FOCAD: variants seen among roughly 807,000 people sequenced by gnomAD.
The protein encoded by FOCAD is KIAA1797.
A neutral mutation model predicts 225.6 loss-of-function variants in FOCAD; 198 were observed. That is an observed-to-expected ratio of 0.88 (90% CI 0.78 to 0.99). The LOEUF (loss-of-function observed/expected upper bound fraction) is 0.99. Ranked by LOEUF, FOCAD falls within the 50% of genes least tolerant of loss-of-function variation. The pLI is 0.00. For missense variants in FOCAD, 2,713 were observed against 2,123.6 expected, an observed-to-expected ratio of 1.28 and a Z score of -5.46; for synonymous variants, 897 against 755.0, an observed-to-expected ratio of 1.19 and a Z score of -3.08.
chr9:20,927,248 A>C (rs1203896010), intron 26 of FOCAD, among the ~76,000 whole-genome samples: 2 of 152,140 alleles, frequency 1.3e-5, no homozygotes, highest in African/African-American at 4.8e-5. Context: ...GACTTTGGGC[A>C]ATTCACTCAA....
chr9:20,978,493 T>C, intron 37 of FOCAD, 39 bp downstream of exon 37: 1 of 1,381,084 alleles, frequency 7.2e-7, no homozygotes, highest in Non-Finnish European at 1.0e-6. Flanking sequence ...CAGGAGGATA[T>C]TGTTCTTTAG....
At chr9:20,728,850 A>G (rs566339118) in intron 4 of FOCAD, among the ~76,000 whole-genome samples, 1 of 152,330 alleles carries the variant, frequency 6.6e-6, no homozygotes, top group East Asian at 1.9e-4. Flanking sequence ...TTGATAAAGG[A>G]GTATGTATCT....
At chr9:20,769,927 A>G (rs544176915) in intron 7 of FOCAD, 105 bp from the exon 8 acceptor site, 16 of 991,600 alleles carry the variant, frequency 1.6e-5, no homozygotes, top group Middle Eastern at 3.0e-4. Context: ...TTAAGTCTTT[A>G]TAGGTTTAGA....
Position 20,861,246 on chromosome 9 carries a change from T to G in FOCAD, c.1921-1332T>G, listed in dbSNP as rs572083647. On this transcript the variant is annotated intron_variant, in intron 15 of 43. Coordinates refer to ENST00000338382, the MANE Select transcript of FOCAD (RefSeq NM_001375567.1). Reference sequence around the variant, plus strand: ...CTTCCTTTACAATAAGGTGTCAAGTTTTTGAAGGATTAGATCATCTTTATA... The same window carrying G: ...CTTCCTTTACAATAAGGTGTCAAGTGTTTGAAGGATTAGATCATCTTTATA... Among the ~76,000 whole-genome samples the G allele has an allele frequency of 2.0e-5, 3 of 152,336 alleles. No individual in the cohort carries two copies. In the East Asian group the frequency reaches 5.8e-4, roughly 29 times the overall value.
At chr9:20,771,703 C>T (rs1305448142) in intron 8 of FOCAD, among the ~76,000 whole-genome samples, 1 of 152,096 alleles carries the variant, frequency 6.6e-6, no homozygotes, top group Non-Finnish European at 1.5e-5. Context: ...TGCAGTGAGC[C>T]GAGATTGTGC....
intron 21 of FOCAD, among the ~76,000 whole-genome samples, chr9:20,891,183 G>A (rs1382709139): frequency 6.6e-6 from 1 of 152,156 alleles, no homozygotes; most frequent in African/African-American, 2.4e-5. Context: ...TAAATGTTGT[G>A]TGATTTTTTA....
intron 24 of FOCAD, among the ~76,000 whole-genome samples, chr9:20,922,599 G>C (rs1834549816): frequency 6.6e-6 from 1 of 152,170 alleles, no homozygotes; most frequent in South Asian, 2.1e-4. Flanking sequence ...CTCATTTAGG[G>C]AGCAGAGCTG....
At chr9:20,973,991 T>G (rs1245166623) in intron 35 of FOCAD, among the ~76,000 whole-genome samples, 3 of 126,118 alleles carry the variant, frequency 2.4e-5, no homozygotes, top group Non-Finnish European at 3.4e-5. Flanking sequence ...TGACTCTTGC[T>G]TCCCCATTTT....
intron 2 of FOCAD, among the ~76,000 whole-genome samples, chr9:20,671,043 C>T (rs868692410): frequency 6.6e-6 from 1 of 152,132 alleles, no homozygotes; most frequent in Non-Finnish European, 1.5e-5. Flanking sequence ...CTTAGAAAGA[C>T]ATATTTTTAG....
chr9:20,912,267 G>A (rs1833499675), intron 22 of FOCAD, among the ~76,000 whole-genome samples: 1 of 151,988 alleles, frequency 6.6e-6, no homozygotes, highest in Non-Finnish European at 1.5e-5. Flanking sequence ...AAATGGAAAA[G>A]ATAATACATA....
At chr9:20,861,845 G>GA (rs1828798601) in intron 15 of FOCAD, among the ~76,000 whole-genome samples, 2 of 151,958 alleles carry the variant, frequency 1.3e-5, no homozygotes. Context: ...ATCTATCAGT[G>GA]AAAAAATCAT....
chr9:20,799,964 A>T (rs1443434387), intron 11 of FOCAD, among the ~76,000 whole-genome samples: 1 of 152,066 alleles, frequency 6.6e-6, no homozygotes, highest in East Asian at 1.9e-4. Context: ...ACAATTTGGC[A>T]TGTTTTTGCA....
At chr9:20,697,279 C>T (rs1011906502) in intron 1 of FOCAD, among the ~76,000 whole-genome samples, 2 of 151,958 alleles carry the variant, frequency 1.3e-5, no homozygotes, top group Non-Finnish European at 2.9e-5. Context: ...TTTTTCTATC[C>T]TTGCCCTCTT....
At chr9:20,726,306 A>T (rs552771829) in intron 4 of FOCAD, 6 of 152,132 alleles carry the variant, frequency 3.9e-5, no homozygotes, top group Non-Finnish European at 8.8e-5. Context: ...GTTGCTTAGT[A>T]ACAGGATTGT....
At chr9:20,812,983 C>T (rs908558674) in intron 11 of FOCAD, among the ~76,000 whole-genome samples, 2 of 151,938 alleles carry the variant, frequency 1.3e-5, no homozygotes, top group African/African-American at 4.8e-5. Context: ...TTTTATTTTG[C>T]ATGACTGAAA....
chr9:20,882,087 G>T, intron 20 of FOCAD, 31 bp downstream of exon 20: 1 of 1,570,240 alleles, frequency 6.4e-7, no homozygotes, highest in Middle Eastern at 1.7e-4. Flanking sequence ...CAAAAATACA[G>T]GTTTTTCATG....
Position 20,862,325 on chromosome 9 carries a change from G to C in FOCAD, c.1921-253G>C, listed in dbSNP as rs2383152. 0.54 allele frequency among the ~76,000 whole-genome samples: 82,114 copies of C among 151,806 alleles called. 22,500 individuals carry two copies. Among genetic ancestry groups the C allele is most frequent in the East Asian group, 0.67 (3,444 of 5,162 alleles). The stretch of plus-strand genomic sequence containing the variant: ...TGGGAGTGAGAGCTTGTGTGCTTAG[G>C]AGAGAGTTATTTACTTGGTTAACTA... On this transcript the variant is annotated intron_variant, in intron 15 of 43. Transcript: ENST00000338382.
At chr9:20,731,149 A>C (rs1363279751) in intron 4 of FOCAD, among the ~76,000 whole-genome samples, 1 of 152,094 alleles carries the variant, frequency 6.6e-6, no homozygotes, top group African/African-American at 2.4e-5. Flanking sequence ...GAGGCAGGAG[A>C]ATCTCTCGAA....
chr9:20,847,166 G>A (rs1827197752), intron 15 of FOCAD, among the ~76,000 whole-genome samples: 1 of 151,730 alleles, frequency 6.6e-6, no homozygotes, highest in Non-Finnish European at 1.5e-5. Context: ...AATAAGTTTG[G>A]GACATTTTCA....
Sources: gnomAD v4.1 joint callset for allele counts (sites outside exome capture counted in the v4.1 genomes callset) on GRCh38, gnomAD v4.1.1 for gene constraint, MANE v1.5 for transcripts, NCBI Gene and HGNC (gene_info 2026-07-23, HGNC 2026-07-21) for gene names.